Variants in AKAP19 observed in about 807,000 individuals in gnomAD.
AKAP19 encodes the protein small A-kinase anchoring protein.
the AKAP19 span, among the ~76,000 whole-genome samples, chr2:190,033,010 C>T: frequency 2.0e-5 from 3 of 151,994 alleles, no homozygotes; most frequent in African/African-American, 4.8e-5. Context: ...CCTTTCCTAG[C>T]GGTAGCAAGT....
chr2:189,881,010 CAT>C, the AKAP19 span, among the ~76,000 whole-genome samples: 1 of 152,072 alleles, frequency 6.6e-6, no homozygotes, highest in Non-Finnish European at 1.5e-5. Context: ...ACATACGTGA[CAT>C]ACATACATGA....
chr2:189,969,830 T>C, the AKAP19 span, among the ~76,000 whole-genome samples: 1 of 149,398 alleles, frequency 6.7e-6, no homozygotes, highest in Non-Finnish European at 1.5e-5. Context: ...TCTTCTCTTC[T>C]CTTTTTCTCT....
At chr2:189,952,689 T>C in the AKAP19 span, among the ~76,000 whole-genome samples, 2 of 152,242 alleles carry the variant, frequency 1.3e-5, no homozygotes, top group East Asian at 1.9e-4. Flanking sequence ...AGGATACTTC[T>C]ACTGCACTTA....
the AKAP19 span, among the ~76,000 whole-genome samples, chr2:190,002,982 G>T: frequency 6.6e-6 from 1 of 151,726 alleles, no homozygotes; most frequent in Admixed American, 6.6e-5. Flanking sequence ...GTAATCCTGA[G>T]GGTTTTTTTA....
At chr2:190,050,463 GT>G in the AKAP19 span, among the ~76,000 whole-genome samples, 3 of 152,200 alleles carry the variant, frequency 2.0e-5, no homozygotes, top group African/African-American at 7.2e-5. Flanking sequence ...AATGTACAGT[GT>G]AGAGTGTTTA....
At chr2:189,979,374 A>C in the AKAP19 span, among the ~76,000 whole-genome samples, 1 of 152,204 alleles carries the variant, frequency 6.6e-6, no homozygotes, top group African/African-American at 2.4e-5. Flanking sequence ...CTAGCCAGGC[A>C]TATGCAGAAG....
At chr2:189,888,284 A>T in the AKAP19 span, among the ~76,000 whole-genome samples, 1 of 152,118 alleles carries the variant, frequency 6.6e-6, no homozygotes, top group Non-Finnish European at 1.5e-5. Context: ...ATTATTTCTG[A>T]GGCCTGTTCT....
chr2:189,985,631 C>G, the AKAP19 span, among the ~76,000 whole-genome samples: 4 of 152,228 alleles, frequency 2.6e-5, no homozygotes, highest in African/African-American at 7.2e-5. Flanking sequence ...CACAATTCTG[C>G]CAACAAAAAG....
At chr2:189,897,223 T>C in the AKAP19 span, among the ~76,000 whole-genome samples, 1 of 152,092 alleles carries the variant, frequency 6.6e-6, no homozygotes, top group Non-Finnish European at 1.5e-5. Flanking sequence ...CTTAAGGGAA[T>C]TTTACAATTA....
the AKAP19 span, among the ~76,000 whole-genome samples, chr2:190,116,060 T>C: frequency 4.6e-5 from 7 of 152,358 alleles, no homozygotes; most frequent in African/African-American, 1.7e-4. Flanking sequence ...CTTTCAACAT[T>C]AAATAGAAGA....
chr2:190,191,174 G>C, the AKAP19 span, among the ~76,000 whole-genome samples: 1 of 152,026 alleles, frequency 6.6e-6, no homozygotes, highest in Non-Finnish European at 1.5e-5. Flanking sequence ...GTCTCACTCT[G>C]TCACCCAGGC....
At chr2:190,013,962 C>T in the AKAP19 span, among the ~76,000 whole-genome samples, 1 of 151,936 alleles carries the variant, frequency 6.6e-6, no homozygotes, top group Non-Finnish European at 1.5e-5. Context: ...TTCCTTCCTT[C>T]TGCTAACTTT....
At chr2:189,972,115 G>A in the AKAP19 span, among the ~76,000 whole-genome samples, 25 of 152,184 alleles carry the variant, frequency 1.6e-4, 1 homozygote, top group Admixed American at 1.0e-3. Flanking sequence ...ATGGTTTTAT[G>A]TCTAACATTT....
chr2:190,048,113 TG>T, the AKAP19 span, among the ~76,000 whole-genome samples: 49 of 151,412 alleles, frequency 3.2e-4, no homozygotes, highest in Non-Finnish European at 6.4e-4. Flanking sequence ...GATTTGATTA[TG>T]GTTAGATTTC....
At chr2:189,885,717 C>T in the AKAP19 span, among the ~76,000 whole-genome samples, 6 of 152,184 alleles carry the variant, frequency 3.9e-5, no homozygotes, top group South Asian at 4.2e-4. Flanking sequence ...ATTCATCTGA[C>T]GTTTTCTACA....
At chr2:190,003,323 T>C in the AKAP19 span, among the ~76,000 whole-genome samples, 7 of 152,202 alleles carry the variant, frequency 4.6e-5, no homozygotes, top group South Asian at 1.2e-3. Context: ...TCTTTCTTAA[T>C]ATTTATCTAT....
the AKAP19 span, among the ~76,000 whole-genome samples, chr2:190,025,477 A>G: frequency 6.6e-6 from 1 of 152,188 alleles, no homozygotes; most frequent in African/African-American, 2.4e-5. Flanking sequence ...TGACAATTAC[A>G]TATAGTAATG....
At chr2:189,931,304 CATAAT>C in the AKAP19 span, among the ~76,000 whole-genome samples, 26 of 151,996 alleles carry the variant, frequency 1.7e-4, no homozygotes, top group Admixed American at 1.5e-3. Flanking sequence ...CTTACACAAT[CATAAT>C]ATAATAATTG....
At chr2:190,099,920 G>T in the AKAP19 span, among the ~76,000 whole-genome samples, 4 of 152,118 alleles carry the variant, frequency 2.6e-5, no homozygotes, top group Non-Finnish European at 5.9e-5. Flanking sequence ...AAGAAAGAAA[G>T]TCCCCCTAGT....
Sources: gnomAD v4.1 joint callset for allele counts (sites outside exome capture counted in the v4.1 genomes callset) on GRCh38, gnomAD v4.1.1 for gene constraint, MANE v1.5 for transcripts, NCBI Gene and HGNC (gene_info 2026-07-23, HGNC 2026-07-21) for gene names.